The following MUC4 variants were observed in gnomAD, a reference collection of about 807,000 sequenced individuals.
The protein encoded by MUC4 is mucin 4, cell surface associated.
Under a neutral mutation model 257.9 loss-of-function variants are expected in MUC4, and 202 were observed. That is an observed-to-expected ratio of 0.78 (90% CI 0.70 to 0.88). The LOEUF (loss-of-function observed/expected upper bound fraction) is 0.88. Ranked by LOEUF, MUC4 falls within the 40% of genes least tolerant of loss-of-function variation. The pLI, the probability that MUC4 is intolerant of heterozygous loss-of-function variation, is 0.00. For missense variants in MUC4, 5,976 were observed against 6,513.7 expected (o/e 0.92, Z 2.84); for synonymous variants, 2,351 against 2,757.1 (o/e 0.85, Z 4.62).
chr3:195,761,147 GCATGGCACTCAGC>G, intron 15 of MUC4, 30 bp from the exon 16 acceptor site: 1 of 1,587,152 alleles, frequency 6.3e-7, no homozygotes, highest in Admixed American at 1.7e-5. Context: ...GTGGTACCAG[GCATGGCACTCAGC>G]CTTATTCCAT....
intron 18 of MUC4, among the ~76,000 whole-genome samples, chr3:195,754,750 G>A (rs1284441093): frequency 6.6e-6 from 1 of 151,016 alleles, no homozygotes; most frequent in South Asian, 2.1e-4. Context: ...ATAGATGTAT[G>A]TATCCATGTA....
chr3:195,760,862 C>T (rs763132358), intron 16 of MUC4, 22 bp downstream of exon 16: 20 of 1,608,414 alleles, frequency 1.2e-5, no homozygotes, highest in South Asian at 2.2e-5. Flanking sequence ...GAAAAGGCCT[C>T]CCCAGGCCTC....
At chr3:195,767,463 TACCAC>T (rs1720837060) in intron 7 of MUC4, among the ~76,000 whole-genome samples, 41 of 37,342 alleles carry the variant, frequency 1.1e-3, no homozygotes, top group Non-Finnish European at 1.6e-3. Context: ...CCACCAACAC[TACCAC>T]CACCATCACC....
Position 195,771,830 on chromosome 3 carries a change from T to A in MUC4, c.13078-14A>T, listed in dbSNP as rs201599646. The A allele has an allele frequency of 2.0e-5, 33 of 1,611,270 alleles. No individual in the cohort carries two copies. In the Middle Eastern group the frequency reaches 8.3e-4, roughly 40 times the overall value. On this transcript the variant is annotated splice_polypyrimidine_tract_variant and intron_variant, in intron 4 of 24. Transcript: ENST00000463781. ...ATTGTCTGTGAACTGAGCACATGGG[T>A]TTTGTGGTCAGCATTCAGGGAGGGA... is the stretch of plus-strand genomic sequence containing the variant.
rs1272596373 is a variant in MUC4 at position 195,778,970 on chromosome 3, C to G, written c.12610G>C (p.Gly4204Arg). The G allele has an allele frequency of 7.3e-7, 1 of 1,376,662 alleles. No individual in the cohort carries two copies. The highest frequency in any genetic ancestry group is 9.6e-7 in the Non-Finnish European group (1 of 1,044,628). The allele number at this position is 1,376,662 out of a possible 1,614,324, so 85.3% of individuals were successfully genotyped here. ...GTGACAGGAAGAGGGGTGGCGTGAC[C>G]TGTGGATGCTGAGGAAGTGTCGGTG... is the stretch of plus-strand genomic sequence containing the variant. The part of the protein sequence containing the change: ...PVTDTSSAST[G>R]HATPLPVTDT... The change falls in exon 2 of 25, where the codon GGT becomes CGT. Residue 4204 changes from glycine to arginine, a missense_variant. This residue lies in a region of MUC4 where 22 missense variants were observed against 64.1 expected (regional missense o/e 0.34). Coordinates refer to ENST00000463781, the MANE Select transcript of MUC4 (RefSeq NM_018406.7).
chr3:195,759,418 G>A (rs931169936), intron 16 of MUC4, among the ~76,000 whole-genome samples, 157 bp from the exon 17 acceptor site: 12 of 152,136 alleles, frequency 7.9e-5, no homozygotes, highest in African/African-American at 2.9e-4. Flanking sequence ...CTCGACTGAC[G>A]CACAGCAGGC....
At chr3:195,811,469 G>A (rs543775144) in intron 1 of MUC4, among the ~76,000 whole-genome samples, 3 of 152,052 alleles carry the variant, frequency 2.0e-5, no homozygotes, top group East Asian at 1.9e-4. Context: ...CACCGCGCAC[G>A]GCCTCCACTC....
chr3:195,793,818 C>A (rs1734185739), intron 1 of MUC4, among the ~76,000 whole-genome samples: 1 of 152,178 alleles, frequency 6.6e-6, no homozygotes, highest in Non-Finnish European at 1.5e-5. Context: ...TTCTACTTTT[C>A]TTTTTCGTTG....
rs141203062 is a variant in MUC4, at chr3:195,790,570, T to G, written c.1010A>C (p.Gln337Pro). Residue 337 changes from glutamine to proline, a missense_variant, in exon 2 of 25, where the codon CAA becomes CCA. Around this residue, in one of 44 missense-constraint regions of MUC4, gnomAD observed 1,583 missense variants for 1,257.4 expected, o/e 1.26. Coordinates refer to ENST00000463781, the MANE Select transcript of MUC4 (RefSeq NM_018406.7). ...TQSVETTRVS[Q>P]INTLNTLTPV... ...TGTGAGGGTGTTGAGGGTGTTGATT[T>G]GAGATACTCTGGTGGTCTCCACGCT... The G allele has an allele frequency of 1.3e-4, 211 of 1,613,974 alleles. 1 individual carries two copies. In the African/African-American group the frequency reaches 2.6e-3, roughly 20 times the overall value.
rs749734165 is a variant in MUC4, at chr3:195,764,984, C to T, written c.13924+13G>A. 51 of 1,612,186 alleles carry T rather than the reference C, an allele frequency of 3.2e-5. No homozygotes were observed. Among genetic ancestry groups the T allele is most frequent in the African/African-American group, 4.0e-5 (3 of 74,876 alleles). Reference sequence around the variant, plus strand: ...GGCCGGGAAGGTGGGGTTGAGATCACGGACTCACGCACCCAACTGCCAAGG... The same window carrying T: ...GGCCGGGAAGGTGGGGTTGAGATCATGGACTCACGCACCCAACTGCCAAGG... On this transcript the variant is annotated intron_variant, in intron 10 of 24. Transcript: ENST00000463781.
At chr3:195,771,939 C>CT (rs1722972013) in intron 4 of MUC4, 123 bp from the exon 5 acceptor site, 1 of 1,047,880 alleles carries the variant, frequency 9.5e-7, no homozygotes, top group Admixed American at 2.4e-5. Flanking sequence ...CTAACAACCC[C>CT]TGGAAGTCAC....
chr3:195,747,456 A>G, intron 24 of MUC4, 76 bp from the exon 25 acceptor site: 1 of 1,499,130 alleles, frequency 6.7e-7, no homozygotes, highest in African/African-American at 1.4e-5. Context: ...CTGCTGGGGA[A>G]GAAGAGGTTC....
intron 24 of MUC4, among the ~76,000 whole-genome samples, chr3:195,747,994 C>T (rs1715439517): frequency 3.3e-5 from 5 of 152,144 alleles, no homozygotes; most frequent in Admixed American, 3.3e-4. Flanking sequence ...CCCCGCCCCG[C>T]CCACCCGGAG....
chr3:195,764,450 A>G (rs1358033574), intron 10 of MUC4, among the ~76,000 whole-genome samples: 1 of 152,162 alleles, frequency 6.6e-6, no homozygotes, highest in Non-Finnish European at 1.5e-5. Context: ...CATTGGGGCC[A>G]CTGTGCAGCA....
At chr3:195,759,868 G>A (rs982517219) in intron 16 of MUC4, among the ~76,000 whole-genome samples, 2 of 150,406 alleles carry the variant, frequency 1.3e-5, no homozygotes, top group Admixed American at 1.3e-4. Context: ...GCGACGAGCC[G>A]AGATCACGTC....
Position 195,750,959 on chromosome 3 carries a change from C to G in MUC4, c.15801G>C (p.Arg5267Ser), listed in dbSNP as rs907684960. 1 of 1,613,908 alleles carries G rather than the reference C, an allele frequency of 6.2e-7. No individual in the cohort carries two copies. The highest frequency in any genetic ancestry group is 1.1e-5 in the South Asian group (1 of 91,064). ...CCACGTCGTTCCTGGGCTCCTCACT[C>G]CTCCGTGGAACGTGGTATAAGAACG... is the stretch of plus-strand genomic sequence containing the variant. Reference protein sequence around the residue: ...VEAFLYHVPRRSEEPRNDVVF... With the variant: ...VEAFLYHVPRSSEEPRNDVVF... Residue 5267 changes from arginine (R) to serine (S), a missense_variant, in exon 23 of 25, where the codon AGG becomes AGC. By Grantham distance (110) the Arg-to-Ser change is moderately radical. Coordinates refer to ENST00000463781, the MANE Select transcript of MUC4 (RefSeq NM_018406.7).
chr3:195,747,749 A>C (rs1292798140), intron 24 of MUC4, among the ~76,000 whole-genome samples: 1 of 152,284 alleles, frequency 6.6e-6, no homozygotes, highest in African/African-American at 2.4e-5. Context: ...CTGTAATCCC[A>C]GCTACTCAGG....
At chr3:195,796,441 G>A (rs996569800) in intron 1 of MUC4, among the ~76,000 whole-genome samples, 12 of 152,170 alleles carry the variant, frequency 7.9e-5, no homozygotes, top group Non-Finnish European at 1.3e-4. Context: ...GGCCGGGTGC[G>A]GTGGCTCACG....
In MUC4 at chr3:195,781,081, C is replaced by G; in HGVS notation, c.10499G>C (p.Gly3500Ala). 1 of 1,491,524 alleles carries G rather than the reference C, an allele frequency of 6.7e-7. No individual in the cohort carries two copies. Among genetic ancestry groups the G allele is most frequent in the Non-Finnish European group, 9.0e-7 (1 of 1,111,442 alleles). The allele number at this position is 1,491,524 out of a possible 1,614,324, so 92.4% of individuals were successfully genotyped here. A position where few individuals can be genotyped will look rare whatever the true frequency, so the allele number is the denominator to read the frequency against. Reference protein sequence around the residue: ...HVTIPSSASTGDTSTLPVTGA... With the variant: ...HVTIPSSASTADTSTLPVTGA... ...GGTGACAGGAAGAGTGCTGGTGTCA[C>G]CTGTGGATGCTGAGGAAGGGATGGT... The change falls in exon 2 of 25, where the codon GGT (glycine) becomes GCT (alanine). Residue 3500 changes from glycine (G) to alanine (A), a missense_variant. Coordinates refer to ENST00000463781, the MANE Select transcript of MUC4 (RefSeq NM_018406.7).
Sources: allele counts gnomAD v4.1 joint callset (sites outside exome capture counted in the v4.1 genomes callset), GRCh38; gene constraint gnomAD v4.1.1; regional missense constraint gnomAD v4.1.1; transcripts MANE v1.5; gene names NCBI Gene and HGNC (gene_info 2026-07-23, HGNC 2026-07-21).